DAPK1: variants seen among roughly 807,000 people sequenced by gnomAD.
DAPK1 encodes death associated protein kinase 1, also known as death-associated protein kinase 1.
A neutral mutation model predicts 144.9 loss-of-function variants in DAPK1; 56 were observed. The observed-to-expected ratio is 0.39, with a 90% CI of 0.31 to 0.48. DAPK1 has a LOEUF of 0.48. Among genes scored for constraint, DAPK1 ranks in the 20% least tolerant of loss-of-function variants. The pLI, the probability that DAPK1 is intolerant of heterozygous loss-of-function variation, is 0.95. For synonymous variants in DAPK1, 690 were observed against 749.0 expected, an observed-to-expected ratio of 0.92 and a Z score of 1.29; for missense variants, 1,454 against 1,875.4, an observed-to-expected ratio of 0.78 and a Z score of 4.15.
chr9:87,603,774 CT>C (rs918436551), intron 2 of DAPK1, among the ~76,000 whole-genome samples: 1 of 152,176 alleles, frequency 6.6e-6, no homozygotes, highest in African/African-American at 2.4e-5. Flanking sequence ...CCGGGAGGGT[CT>C]TTCCGTTGTG....
At chr9:87,590,726 T>C (rs2118881923) in intron 2 of DAPK1, among the ~76,000 whole-genome samples, 1 of 152,294 alleles carries the variant, frequency 6.6e-6, no homozygotes, top group South Asian at 2.1e-4. Context: ...TAGCTAGGAA[T>C]ACAGGCGTGT....
At chr9:87,696,611 A>G (rs1825267931) in intron 21 of DAPK1, among the ~76,000 whole-genome samples, 1 of 152,200 alleles carries the variant, frequency 6.6e-6, no homozygotes, top group Non-Finnish European at 1.5e-5. Context: ...GTAAGTGGAC[A>G]CACGGGAAGG....
chr9:87,528,201 G>A (rs191745697), intron 2 of DAPK1, among the ~76,000 whole-genome samples: 17 of 144,880 alleles, frequency 1.2e-4, no homozygotes, highest in East Asian at 6.3e-4. Flanking sequence ...GTTACAGTGC[G>A]TTTTCTTTTC....
chr9:87,613,597 A>ATGG (rs1829000914), intron 3 of DAPK1, among the ~76,000 whole-genome samples: 1 of 152,230 alleles, frequency 6.6e-6, no homozygotes, highest in Non-Finnish European at 1.5e-5. Context: ...AGACGAACAC[A>ATGG]TGGTGCCTTG....
At position 87,498,036 on chromosome 9, in the gene DAPK1, C is replaced by G. The variant is rs575752217; in HGVS notation, c.-180C>G. 3 of 397,942 alleles carry G rather than the reference C, an allele frequency of 7.5e-6. No homozygotes were observed. In the Admixed American group the frequency reaches 1.3e-4, roughly 18 times the overall value. 24.7% of individuals were successfully genotyped at this position (397,942 alleles called of 1,614,324 possible). ...TGTTCCCGCCGCCGCCCCGGCTAGT[C>G]TCCGGCGCTGGCGCCTATGGTCGGC... is the stretch of plus-strand genomic sequence containing the variant. On this transcript the variant is annotated 5_prime_UTR_variant, in exon 1 of 26. Coordinates refer to ENST00000408954, the MANE Select transcript of DAPK1 (RefSeq NM_004938.4).
intron 18 of DAPK1, among the ~76,000 whole-genome samples, chr9:87,663,218 C>T (rs1454532100): frequency 6.6e-6 from 1 of 152,106 alleles, no homozygotes; most frequent in Non-Finnish European, 1.5e-5. Context: ...CAGCAGAGTC[C>T]CCACTCACCT....
chr9:87,519,587 C>T (rs926633873), intron 2 of DAPK1, among the ~76,000 whole-genome samples: 5 of 152,198 alleles, frequency 3.3e-5, no homozygotes, highest in Non-Finnish European at 5.9e-5. Context: ...CCCGCTCTGT[C>T]TGCTGCCCAG....
chr9:87,655,432 T>G (rs1016876091), intron 17 of DAPK1, among the ~76,000 whole-genome samples: 16 of 152,076 alleles, frequency 1.1e-4, no homozygotes, highest in African/African-American at 3.9e-4. Context: ...ACAGAAGGCA[T>G]CGCTTCCTAC....
At chr9:87,522,267 A>T (rs1232767435) in intron 2 of DAPK1, among the ~76,000 whole-genome samples, 1 of 152,200 alleles carries the variant, frequency 6.6e-6, no homozygotes, top group Non-Finnish European at 1.5e-5. Context: ...TATGTAATAC[A>T]TTCACACAGT....
intron 3 of DAPK1, among the ~76,000 whole-genome samples, chr9:87,605,792 C>G (rs1587761704): frequency 6.6e-6 from 1 of 152,300 alleles, no homozygotes; most frequent in South Asian, 2.1e-4. Flanking sequence ...TGTGGCGTTT[C>G]TCATCTCCCT....
rs761950585 is a variant in DAPK1 at position 87,645,990 on chromosome 9, C to A, written c.1107C>A (p.Asn369Lys). 2.2e-5 allele frequency: 35 copies of A among 1,614,094 alleles called. No homozygotes were observed. In the Middle Eastern group the frequency reaches 6.6e-4, roughly 30 times the overall value. Residue 369 changes from asparagine (N) to lysine (K), a missense_variant, in exon 12 of 26, where the codon AAC becomes AAA. Physicochemically the swap from Asn to Lys is moderately conservative, Grantham distance 94. This residue lies in a region of DAPK1 where 429 missense variants were observed against 637.5 expected (regional missense o/e 0.67). Transcript: ENST00000408954. ...AGCACCTTCTGGGCTCATTATCCAA[C>A]TATGATGTTAACCAACCCAACAAGG... ...GLQHLLGSLS[N>K]YDVNQPNKHG...
At chr9:87,598,794 A>G (rs1445823815) in intron 2 of DAPK1, among the ~76,000 whole-genome samples, 3 of 152,252 alleles carry the variant, frequency 2.0e-5, no homozygotes, top group African/African-American at 4.8e-5. Context: ...ACCAGGAACT[A>G]TAGAAGACCT....
intron 14 of DAPK1, among the ~76,000 whole-genome samples, chr9:87,648,362 C>A (rs569664632): frequency 1.3e-5 from 2 of 152,320 alleles, no homozygotes; most frequent in African/African-American, 4.8e-5. Flanking sequence ...AGTTTCTAAT[C>A]ATAGGCAATG....
At chr9:87,619,900 C>A (rs757097496) in intron 3 of DAPK1, among the ~76,000 whole-genome samples, 1 of 152,158 alleles carries the variant, frequency 6.6e-6, no homozygotes. Context: ...GAAAGAAAGC[C>A]GATGAGCTCT....
rs111909293 is a variant in DAPK1, at chr9:87,560,443, C to T, written c.63-44511C>T. On this transcript the variant is annotated intron_variant, in intron 2 of 25. Coordinates refer to ENST00000408954, the MANE Select transcript of DAPK1 (RefSeq NM_004938.4). ...ATTGTTGCGTGACACTTCCCCAGAA[C>T]TTTCTCATCTTGCAAAACTGAAATT... Among the ~76,000 whole-genome samples the T allele has an allele frequency of 1.1e-3, 170 of 152,248 alleles. 1 individual carries two copies. The highest frequency in any genetic ancestry group is 3.9e-3 in the African/African-American group (164 of 41,550).
intron 2 of DAPK1, among the ~76,000 whole-genome samples, chr9:87,569,727 G>A (rs548742477): frequency 8.5e-5 from 13 of 152,130 alleles, no homozygotes; most frequent in Non-Finnish European, 1.8e-4. Context: ...CTTTCCCTAC[G>A]AGAGGTCTTC....
intron 2 of DAPK1, among the ~76,000 whole-genome samples, chr9:87,590,986 G>A (rs7029393): frequency 0.1 from 15,518 of 152,218 alleles, 1,452 homozygotes; most frequent in African/African-American, 0.25. Flanking sequence ...AACAAACTGC[G>A]TTATCCTTTC....
intron 2 of DAPK1, among the ~76,000 whole-genome samples, chr9:87,560,667 CT>C (rs35938750): frequency 0.22 from 29,928 of 133,072 alleles, 3,280 homozygotes; most frequent in Non-Finnish European, 0.29. Flanking sequence ...TCAGAACGTA[CT>C]TTTTTTTTTT....
chr9:87,524,808 A>G (rs754223381), intron 2 of DAPK1, among the ~76,000 whole-genome samples: 7 of 152,196 alleles, frequency 4.6e-5, no homozygotes, highest in African/African-American at 7.2e-5. Context: ...TAAATATTGT[A>G]TGTTCTCACT....
Sources: allele counts gnomAD v4.1 joint callset (sites outside exome capture counted in the v4.1 genomes callset), GRCh38; gene constraint gnomAD v4.1.1; regional missense constraint gnomAD v4.1.1; transcripts MANE v1.5; gene names NCBI Gene and HGNC (gene_info 2026-07-23, HGNC 2026-07-21).